EGFLAM: variants seen among roughly 807,000 people sequenced by gnomAD.
EGFLAM encodes the protein pikachurin.
A neutral mutation model predicts 113.1 loss-of-function variants in EGFLAM; 79 were observed. The observed-to-expected ratio is 0.70, with a 90% CI of 0.58 to 0.84. EGFLAM has a LOEUF of 0.84. Among genes scored for constraint, EGFLAM ranks in the 40% least tolerant of loss-of-function variants. The pLI, the probability that EGFLAM is intolerant of heterozygous loss-of-function variation, is 0.00. For missense variants in EGFLAM, 1,265 were observed against 1,291.6 expected, an observed-to-expected ratio of 0.98 and a Z score of 0.32; for synonymous variants, 504 against 487.6, an observed-to-expected ratio of 1.03 and a Z score of -0.44.
At chr5:38,405,684 C>G (rs948758259) in intron 6 of EGFLAM, among the ~76,000 whole-genome samples, 1 of 152,102 alleles carries the variant, frequency 6.6e-6, no homozygotes, top group Admixed American at 6.6e-5. Context: ...TTGAACACGC[C>G]TTTTGGTACA....
chr5:38,355,921 T>C (rs1258379556), intron 5 of EGFLAM, among the ~76,000 whole-genome samples: 5 of 152,138 alleles, frequency 3.3e-5, no homozygotes, highest in Non-Finnish European at 7.3e-5. Context: ...CCACGATGCC[T>C]GGCTAATTTA....
intron 13 of EGFLAM, among the ~76,000 whole-genome samples, chr5:38,426,003 T>G (rs1741994171): frequency 6.6e-6 from 1 of 151,610 alleles, no homozygotes; most frequent in South Asian, 2.1e-4. Flanking sequence ...CTCGGGAGGC[T>G]GAGGCAGGAG....
intron 1 of EGFLAM, among the ~76,000 whole-genome samples, chr5:38,310,803 A>G (rs1291151703): frequency 2.0e-5 from 3 of 152,202 alleles, no homozygotes; most frequent in East Asian, 3.9e-4. Context: ...ACACGCCACT[A>G]TTTAAGCCAG....
At chr5:38,331,790 T>C (rs1033179769) in intron 1 of EGFLAM, among the ~76,000 whole-genome samples, 2 of 152,176 alleles carry the variant, frequency 1.3e-5, no homozygotes, top group African/African-American at 4.8e-5. Flanking sequence ...TAATACTCTG[T>C]TGTCTGGAAG....
intron 1 of EGFLAM, among the ~76,000 whole-genome samples, chr5:38,330,834 G>T (rs1739021079): frequency 2.0e-5 from 3 of 152,142 alleles, no homozygotes; most frequent in Admixed American, 2.0e-4. Flanking sequence ...TTAAGACTAT[G>T]TTAGAATAGG....
intron 16 of EGFLAM, 114 bp downstream of exon 16, chr5:38,435,367 T>C: frequency 1.2e-6 from 1 of 813,804 alleles, no homozygotes; most frequent in Non-Finnish European, 2.0e-6. Flanking sequence ...GAGAAAGTTT[T>C]AACATTTTTA....
chr5:38,283,886 G>T (rs935702215), intron 1 of EGFLAM: 1 of 152,244 alleles, frequency 6.6e-6, no homozygotes, highest in African/African-American at 2.4e-5. Flanking sequence ...GACCTGTGGA[G>T]AGGTTGTTCC....
chr5:38,412,597 G>C lies in EGFLAM; in HGVS notation c.1443G>C (p.Leu481=). 1 of 1,614,156 alleles carries C rather than the reference G, an allele frequency of 6.2e-7. No homozygotes were observed. Among genetic ancestry groups the C allele is most frequent in the South Asian group, 1.1e-5 (1 of 91,086 alleles). The change falls in exon 11 of 22, where the codon CTG becomes CTC. Residue 481 remains leucine, a synonymous_variant. Coordinates refer to ENST00000322350, the MANE Select transcript of EGFLAM (RefSeq NM_152403.4). ...WHTVMLYRDG[L]NGLLQLNNGT... is the part of the protein sequence containing the mutation. The stretch of plus-strand genomic sequence containing the variant: ...CGGTTATGCTCTACAGAGATGGGCT[G>C]AACGGGCTGCTGCAGCTGAACAATG...
intron 12 of EGFLAM, among the ~76,000 whole-genome samples, chr5:38,423,997 G>T (rs1168330144): frequency 6.6e-6 from 1 of 152,186 alleles, no homozygotes; most frequent in Non-Finnish European, 1.5e-5. Flanking sequence ...ACCAGCTCAT[G>T]CAGAGGGCAG....
At chr5:38,376,585 T>C (rs75938736) in intron 6 of EGFLAM, among the ~76,000 whole-genome samples, 1,662 of 152,276 alleles carry the variant, frequency 0.011, 35 homozygotes, top group African/African-American at 0.039. Context: ...CACCTGCTGT[T>C]TCCTGGGCTT....
intron 1 of EGFLAM, among the ~76,000 whole-genome samples, chr5:38,300,365 ATC>A (rs946740961): frequency 6.9e-6 from 1 of 144,716 alleles, no homozygotes; most frequent in Non-Finnish European, 1.5e-5. Context: ...CTTCTTCTCT[ATC>A]TCTCTCTCTT....
chr5:38,292,557 C>T (rs890643414), intron 1 of EGFLAM, among the ~76,000 whole-genome samples: 7 of 152,182 alleles, frequency 4.6e-5, no homozygotes, highest in African/African-American at 1.7e-4. Context: ...TAACTGAACA[C>T]CCAGGTCTTG....
chr5:38,315,272 C>T (rs1360708874), intron 1 of EGFLAM, among the ~76,000 whole-genome samples: 7 of 152,004 alleles, frequency 4.6e-5, no homozygotes, highest in Admixed American at 4.6e-4. Flanking sequence ...TCTATGGTTC[C>T]CCTCTTCTCT....
chr5:38,418,466 G>A (rs1000112961), intron 12 of EGFLAM, among the ~76,000 whole-genome samples: 1 of 152,136 alleles, frequency 6.6e-6, no homozygotes, highest in Non-Finnish European at 1.5e-5. Context: ...ACCAAGATAT[G>A]GTAACAGTAT....
At chr5:38,364,897 C>T (rs997439871) in intron 5 of EGFLAM, among the ~76,000 whole-genome samples, 20 of 152,102 alleles carry the variant, frequency 1.3e-4, no homozygotes, top group Non-Finnish European at 2.9e-5. Context: ...AGTAACCCAG[C>T]GTCCTCCAGA....
chr5:38,350,449 G>A, intron 3 of EGFLAM, 52 bp from the exon 4 acceptor site: 1 of 1,544,392 alleles, frequency 6.5e-7, no homozygotes, highest in Non-Finnish European at 8.9e-7. Flanking sequence ...TGTACAATTT[G>A]CCCAAACAGA....
intron 3 of EGFLAM, among the ~76,000 whole-genome samples, chr5:38,346,912 G>A (rs2561119): frequency 0.48 from 70,649 of 148,550 alleles, 18,489 homozygotes; most frequent in Admixed American, 0.58. Context: ...CTGAAGGCAG[G>A]TCCACATGTG....
intron 1 of EGFLAM, among the ~76,000 whole-genome samples, chr5:38,324,382 C>G (rs1167001476): frequency 3.3e-5 from 5 of 152,196 alleles, no homozygotes; most frequent in Admixed American, 1.3e-4. Context: ...TCCTGCCCCC[C>G]TCCACACATA....
In EGFLAM at chr5:38,438,266, T is replaced by C; in HGVS notation, c.2284-9T>C. 6.2e-7 allele frequency: 1 copy of C among 1,602,748 alleles called. No individual in the cohort carries two copies. Among genetic ancestry groups the C allele is most frequent in the Non-Finnish European group, 8.5e-7 (1 of 1,173,428 alleles). ...ATTCCTGAATTTCTTTATGTTTTTCTCTCTCAAGATCATCCTGAATGACCG... is the reference window on the plus strand; with the variant it reads ...ATTCCTGAATTTCTTTATGTTTTTCCCTCTCAAGATCATCCTGAATGACCG... On this transcript the variant is annotated splice_polypyrimidine_tract_variant and intron_variant, in intron 16 of 21. Coordinates refer to ENST00000322350, the MANE Select transcript of EGFLAM (RefSeq NM_152403.4).
Sources: allele counts gnomAD v4.1 joint callset (sites outside exome capture counted in the v4.1 genomes callset), GRCh38; gene constraint gnomAD v4.1.1; transcripts MANE v1.5; gene names NCBI Gene and HGNC (gene_info 2026-07-23, HGNC 2026-07-21).